Variants in ADCY10 observed in about 807,000 individuals in gnomAD.
ADCY10 encodes the protein adenylate cyclase type 10.
ADCY10 carries 156 observed loss-of-function variants against 183.3 expected under a neutral mutation model. The ratio of observed to expected loss-of-function variants is 0.85; its 90% CI spans 0.75 to 0.97. The LOEUF (loss-of-function observed/expected upper bound fraction) is 0.97. ADCY10 is among the 50% of genes least tolerant of loss of function. The pLI is 0.00. For missense variants in ADCY10, 1,745 were observed against 1,934.3 expected (o/e 0.90, Z 1.84); for synonymous variants, 645 against 670.0 (o/e 0.96, Z 0.58).
chr1:167,822,914 A>G, intron 29 of ADCY10, 94 bp downstream of exon 29: 1 of 1,056,864 alleles, frequency 9.5e-7, no homozygotes, highest in South Asian at 1.3e-5. Context: ...CCAGAAACCT[A>G]GTGGTCCCAA....
intron 24 of ADCY10, among the ~76,000 whole-genome samples, chr1:167,833,483 C>G (rs183032353): frequency 6.6e-6 from 1 of 152,292 alleles, no homozygotes; most frequent in Non-Finnish European, 1.5e-5. Context: ...CGGTGGCTAA[C>G]GCCTGTAATC....
intron 5 of ADCY10, among the ~76,000 whole-genome samples, chr1:167,900,733 T>C (rs1669358040): frequency 1.3e-5 from 2 of 152,298 alleles, no homozygotes; most frequent in South Asian, 4.1e-4. Context: ...GGTTTCACCA[T>C]GTTGGTCAGG....
chr1:167,847,406 C>CTTTT, intron 19 of ADCY10, among the ~76,000 whole-genome samples: 1 of 150,972 alleles, frequency 6.6e-6, no homozygotes, highest in East Asian at 2.0e-4. Flanking sequence ...AATAATACAT[C>CTTTT]TTTCTTTCTT....
At chr1:167,904,606 C>A in intron 2 of ADCY10, 1 of 505,304 alleles carries the variant, frequency 2.0e-6, no homozygotes, top group Non-Finnish European at 3.5e-6. Flanking sequence ...ATTTCAAACA[C>A]TTCTGAAGAG....
In ADCY10 at chr1:167,880,624, G is replaced by A; in HGVS notation, c.1021-15C>T. ...AAAGAGCAGCCCTGTGAGGGAGAGA[G>A]ACAGCAACCACAGCTGATGGACAGT... On this transcript the variant is annotated splice_polypyrimidine_tract_variant and intron_variant, in intron 9 of 32. Transcript: ENST00000367851. 2 of 1,571,492 alleles carry A rather than the reference G, an allele frequency of 1.3e-6. No homozygotes were observed. Among genetic ancestry groups the A allele is most frequent in the Non-Finnish European group, 1.8e-6 (2 of 1,141,260 alleles).
At chr1:167,838,137 A>G (rs758512419) in intron 21 of ADCY10, among the ~76,000 whole-genome samples, 18 of 152,226 alleles carry the variant, frequency 1.2e-4, no homozygotes, top group Non-Finnish European at 2.5e-4. Flanking sequence ...CAGTTTGAAC[A>G]TCTAAGAAGT....
At position 167,899,646 on chromosome 1, in the gene ADCY10, A is replaced by C. The variant is rs776862558; in HGVS notation, c.437-18T>G. 6.2e-7 allele frequency: 1 copy of C among 1,612,400 alleles called. No homozygotes were observed. Among genetic ancestry groups the C allele is most frequent in the African/African-American group, 1.3e-5 (1 of 74,902 alleles). On this transcript the variant is annotated intron_variant, in intron 5 of 32. Transcript: ENST00000367851. ...AGCCAGTCCTGGCAAGAAGGCAAGG[A>C]ATAGGTTTGCACAAGAAGTTCTGGA...
rs150441445 is a variant in ADCY10 at position 167,838,046 on chromosome 1, T to G, written c.3008-728A>C. Among the ~76,000 whole-genome samples the G allele has an allele frequency of 1.1e-4, 17 of 152,320 alleles. No homozygotes were observed. The East Asian group carries it at 2.9e-3, about 26-fold the overall frequency. The stretch of plus-strand genomic sequence containing the variant: ...GAATGAACTTGTCTCAGGTCATACA[T>G]CTGTTAGTGGTGGAGGCAGGACTAG... On this transcript the variant is annotated intron_variant, in intron 21 of 32. Transcript: ENST00000367851.
chr1:167,895,941 C>G (rs372283), intron 7 of ADCY10, among the ~76,000 whole-genome samples: 38,137 of 151,936 alleles, frequency 0.25, 4,926 homozygotes, highest in South Asian at 0.36. Context: ...TGATTTGAGA[C>G]GTAAAGGCAA....
In ADCY10 at chr1:167,824,812, G is replaced by T. The variant is rs757057992; in HGVS notation, c.3794C>A (p.Ala1265Asp). ...TTTGAACCACACACCTTTGTAGCCA[G>T]CCAGGTGGTGGTATAGCGAATAGTC... ...YLDYSLYHHL[A>D]GYKGVWFKYE... The change falls in exon 27 of 33, where the codon GCT becomes GAT. Residue 1265 changes from alanine (A) to aspartate (D), a missense_variant. Ala to Asp is a moderately radical substitution (Grantham distance 126). Coordinates refer to ENST00000367851, the MANE Select transcript of ADCY10 (RefSeq NM_018417.6). 6.2e-7 allele frequency: 1 copy of T among 1,614,252 alleles called. No individual in the cohort carries two copies. Among genetic ancestry groups the T allele is most frequent in the South Asian group, 1.1e-5 (1 of 91,086 alleles).
intron 6 of ADCY10, 61 bp from the exon 7 acceptor site, chr1:167,896,752 G>T: frequency 8.4e-7 from 1 of 1,186,904 alleles, no homozygotes; most frequent in Non-Finnish European, 1.3e-6. Context: ...CCTTTGAAGT[G>T]TAATTTCTTA....
chr1:167,814,279 A>C (rs1428607095), intron 31 of ADCY10, among the ~76,000 whole-genome samples: 1 of 152,074 alleles, frequency 6.6e-6, no homozygotes, highest in Non-Finnish European at 1.5e-5. Context: ...AGAAAAAGAT[A>C]CTTTATACAA....
intron 31 of ADCY10, among the ~76,000 whole-genome samples, chr1:167,814,986 A>T (rs1417302852): frequency 2.0e-5 from 3 of 152,084 alleles, no homozygotes; most frequent in African/African-American, 7.2e-5. Flanking sequence ...TTAGCCAGGC[A>T]TGATGGCGGG....
At chr1:167,880,656 T>A in intron 9 of ADCY10, 47 bp from the exon 10 acceptor site, 1 of 1,416,902 alleles carries the variant, frequency 7.1e-7, no homozygotes. Flanking sequence ...CAGTGTGCTT[T>A]AAACTGGACT....
intron 1 of ADCY10, among the ~76,000 whole-genome samples, chr1:167,911,059 G>T (rs973178911): frequency 3.3e-5 from 5 of 152,218 alleles, no homozygotes; most frequent in Non-Finnish European, 1.5e-5. Flanking sequence ...TGGATGGAAA[G>T]TGGGTTAGGT....
At chr1:167,847,470 C>T (rs1215424979) in intron 19 of ADCY10, among the ~76,000 whole-genome samples, 2 of 151,808 alleles carry the variant, frequency 1.3e-5, no homozygotes, top group African/African-American at 4.8e-5. Flanking sequence ...GGCTGGAGTG[C>T]AATGGCGTGA....
At chr1:167,853,424 G>A (rs545552350) in intron 18 of ADCY10, among the ~76,000 whole-genome samples, 14 of 152,076 alleles carry the variant, frequency 9.2e-5, no homozygotes, top group Non-Finnish European at 1.3e-4. Flanking sequence ...CGTGGCAGTG[G>A]GTCCCATGGC....
rs764966305 is a variant in ADCY10, at chr1:167,893,880, C to A, written c.801G>T (p.Lys267Asn). The part of the protein sequence containing the change: ...PDPELEMSLQ[K>N]YVMESILKQI... ...GCTTCAAAATGCTTTCCATCACATA[C>A]TTTTGTAGGGACATCTCCAGTTCAG... Residue 267 changes from lysine (K) to asparagine (N), a missense_variant, in exon 8 of 33, where the codon AAG becomes AAT. Physicochemically the swap from Lys to Asn is moderately conservative, Grantham distance 94. Coordinates refer to ENST00000367851, the MANE Select transcript of ADCY10 (RefSeq NM_018417.6). The A allele has an allele frequency of 6.2e-6, 10 of 1,612,988 alleles. No individual in the cohort carries two copies. Among genetic ancestry groups the A allele is most frequent in the Non-Finnish European group, 6.8e-6 (8 of 1,179,426 alleles).
rs759037288 is a variant in ADCY10 at position 167,905,045 on chromosome 1, C to T, written c.96G>A (p.Glu32=). ...DLIVYGHFSP[E]RPFMDYFDGV... ...CGTCAAAATAATCCATAAAGGGTCG[C>T]TCTGGGGAGAAATGTCCATAGACAA... is the stretch of plus-strand genomic sequence containing the variant. Residue 32 remains glutamate, a synonymous_variant, in exon 2 of 33, where the codon GAG becomes GAA. Transcript: ENST00000367851. The T allele has an allele frequency of 1.2e-6, 2 of 1,614,198 alleles. No homozygotes were observed. The highest frequency in any genetic ancestry group is 1.3e-5 in the African/African-American group (1 of 75,062).
Sources: gnomAD v4.1 joint callset for allele counts (sites outside exome capture counted in the v4.1 genomes callset) on GRCh38, gnomAD v4.1.1 for gene constraint, MANE v1.5 for transcripts, NCBI Gene and HGNC (gene_info 2026-07-23, HGNC 2026-07-21) for gene names.